IPCEF1: variants seen among roughly 807,000 people sequenced by gnomAD.
IPCEF1 encodes the protein interactor protein for cytohesin exchange factors 1.
In IPCEF1, 31 loss-of-function variants were observed where a neutral mutation model predicts 50.9. The ratio of observed to expected loss-of-function variants is 0.61; its 90% CI spans 0.46 to 0.82. IPCEF1 has a LOEUF of 0.82. IPCEF1 is among the 40% of genes least tolerant of loss of function. The probability of loss-of-function intolerance (pLI) is 0.00; values close to 1 mark genes in which losing one functional copy is unlikely to be tolerated. For missense variants in IPCEF1, 458 were observed against 514.0 expected (o/e 0.89, Z 1.05); for synonymous variants, 181 against 192.0 (o/e 0.94, Z 0.47).
intron 11 of IPCEF1, among the ~76,000 whole-genome samples, chr6:154,162,592 T>C (rs1477459121): frequency 1.3e-5 from 2 of 152,232 alleles, no homozygotes; most frequent in Non-Finnish European, 2.9e-5. Flanking sequence ...TGATTTTTCT[T>C]GTACCACAAT....
intron 1 of IPCEF1, among the ~76,000 whole-genome samples, chr6:154,347,704 C>T (rs1373664510): frequency 1.3e-5 from 2 of 152,178 alleles, no homozygotes; most frequent in Non-Finnish European, 2.9e-5. Flanking sequence ...CTAAGGCTCA[C>T]CTCAGTGGCT....
chr6:154,354,413 C>T lies in IPCEF1; in HGVS notation c.-62+2259G>A, dbSNP rs200231055. On this transcript the variant is annotated intron_variant, in intron 1 of 11. Coordinates refer to ENST00000367220, the MANE Select transcript of IPCEF1 (RefSeq NM_001130700.2). ...TCACCTCCAACCACCATCTCCACCA[C>T]CACCTCCACCACCACCTCCACCATC... Among the ~76,000 whole-genome samples, 153 of 18,072 alleles carry T rather than the reference C, an allele frequency of 8.5e-3. 1 individual carries two copies. The highest frequency in any genetic ancestry group is 0.034 in the East Asian group (52 of 1,550). 11.9% of individuals were successfully genotyped at this position (18,072 alleles called of 152,430 possible).
At chr6:154,227,323 A>G (rs977462058) in intron 5 of IPCEF1, among the ~76,000 whole-genome samples, 10 of 152,240 alleles carry the variant, frequency 6.6e-5, no homozygotes, top group South Asian at 4.1e-4. Context: ...TAGACAACTC[A>G]TTTTCAGTAC....
At position 154,306,531 on chromosome 6, in the gene IPCEF1, C is replaced by G. The variant is rs1224447535; in HGVS notation, c.-61-16775G>C. On this transcript the variant is annotated intron_variant, in intron 1 of 11. Coordinates refer to ENST00000367220, the MANE Select transcript of IPCEF1 (RefSeq NM_001130700.2). ...GGATTACAGGCATGAGCCACTGTGC[C>G]CAGCCCATTAATAGTCAAGAAACTA... Among the ~76,000 whole-genome samples, 5 of 152,294 alleles carry G rather than the reference C, an allele frequency of 3.3e-5. No homozygotes were observed. In the East Asian group the frequency reaches 7.7e-4, roughly 24 times the overall value.
At chr6:154,200,514 A>T (rs530727601) in intron 9 of IPCEF1, among the ~76,000 whole-genome samples, 1 of 152,220 alleles carries the variant, frequency 6.6e-6, no homozygotes, top group African/African-American at 2.4e-5. Context: ...TGAGGCCGGG[A>T]GTTTGAGACC....
chr6:154,325,523 G>A (rs1352133186), intron 1 of IPCEF1, among the ~76,000 whole-genome samples: 1 of 152,052 alleles, frequency 6.6e-6, no homozygotes, highest in East Asian at 1.9e-4. Context: ...AAATAACTGG[G>A]TAATAAAATA....
intron 7 of IPCEF1, chr6:154,217,483 G>A (rs1778504904): frequency 6.6e-6 from 1 of 151,384 alleles, no homozygotes; most frequent in African/African-American, 2.4e-5. Context: ...AAAAGCTCAT[G>A]GCACGAGCAT....
At chr6:154,189,293 T>TA (rs1284070727) in intron 10 of IPCEF1, among the ~76,000 whole-genome samples, 1 of 152,222 alleles carries the variant, frequency 6.6e-6, no homozygotes, top group Non-Finnish European at 1.5e-5. Flanking sequence ...TGAAGAGATG[T>TA]ATTTTGGTGG....
intron 1 of IPCEF1, among the ~76,000 whole-genome samples, chr6:154,296,948 G>A (rs995460705): frequency 1.3e-5 from 2 of 152,192 alleles, no homozygotes; most frequent in African/African-American, 4.8e-5. Flanking sequence ...GAAGTCAGGA[G>A]GATTGGATGC....
intron 7 of IPCEF1, among the ~76,000 whole-genome samples, chr6:154,216,162 G>A (rs142211727): frequency 0.013 from 2,037 of 152,176 alleles, 26 homozygotes; most frequent in Middle Eastern, 0.061. Context: ...ATACACAAAT[G>A]TGGCAGAATG....
intron 5 of IPCEF1, among the ~76,000 whole-genome samples, chr6:154,236,673 C>T (rs1278080372): frequency 6.6e-6 from 1 of 152,154 alleles, no homozygotes; most frequent in Non-Finnish European, 1.5e-5. Context: ...CAGTGGCTGA[C>T]CTGCTGTTAA....
At chr6:154,238,313 T>C (rs188204634) in intron 5 of IPCEF1, among the ~76,000 whole-genome samples, 1 of 152,262 alleles carries the variant, frequency 6.6e-6, no homozygotes, top group Non-Finnish European at 1.5e-5. Context: ...TAGAGTGCAA[T>C]GGCGCTGTCT....
chr6:154,213,864 T>C (rs1375145173), intron 8 of IPCEF1, among the ~76,000 whole-genome samples: 2 of 152,258 alleles, frequency 1.3e-5, no homozygotes, highest in East Asian at 1.9e-4. Flanking sequence ...GAGGAAATAG[T>C]GGGATGAAAG....
At chr6:154,287,776 A>G (rs1782400011) in intron 2 of IPCEF1, among the ~76,000 whole-genome samples, 1 of 152,244 alleles carries the variant, frequency 6.6e-6, no homozygotes, top group Non-Finnish European at 1.5e-5. Context: ...GTGTTATACT[A>G]GAAAACATAC....
intron 2 of IPCEF1, among the ~76,000 whole-genome samples, chr6:154,287,831 C>T (rs1231397245): frequency 6.6e-6 from 1 of 152,070 alleles, no homozygotes; most frequent in African/African-American, 2.4e-5. Flanking sequence ...TTTGTCAATA[C>T]CTTAGGGTAA....
At chr6:154,209,241 A>T (rs868087796) in intron 9 of IPCEF1, among the ~76,000 whole-genome samples, 1 of 152,200 alleles carries the variant, frequency 6.6e-6, no homozygotes, top group Non-Finnish European at 1.5e-5. Flanking sequence ...ATCACCCAAA[A>T]TAAAATTTTA....
intron 1 of IPCEF1, among the ~76,000 whole-genome samples, chr6:154,348,421 T>C (rs1181305769): frequency 6.6e-6 from 1 of 152,140 alleles, no homozygotes; most frequent in Admixed American, 6.6e-5. Flanking sequence ...TATAACTGAG[T>C]CTAACCAAGA....
At chr6:154,215,462 C>T (rs1015840235) in intron 7 of IPCEF1, among the ~76,000 whole-genome samples, 8 of 151,832 alleles carry the variant, frequency 5.3e-5, no homozygotes, top group African/African-American at 1.7e-4. Context: ...CAAAATTAGC[C>T]GGGTGTGGTG....
At chr6:154,309,070 A>G (rs906487931) in intron 1 of IPCEF1, among the ~76,000 whole-genome samples, 2 of 152,164 alleles carry the variant, frequency 1.3e-5, no homozygotes, top group African/African-American at 4.8e-5. Context: ...GACATGGAGA[A>G]GGTCAATATT....
Sources: allele counts gnomAD v4.1 joint callset (sites outside exome capture counted in the v4.1 genomes callset), GRCh38; gene constraint gnomAD v4.1.1; transcripts MANE v1.5; gene names NCBI Gene and HGNC (gene_info 2026-07-23, HGNC 2026-07-21).